YTHDC2: variants seen among roughly 807,000 people sequenced by gnomAD.
YTHDC2 encodes YTH N6-methyladenosine RNA binding protein C2.
A neutral mutation model predicts 174.9 loss-of-function variants in YTHDC2; 45 were observed. The observed-to-expected ratio is 0.26, with a 90% CI of 0.20 to 0.33. YTHDC2 has a LOEUF of 0.33. YTHDC2 is among the 10% of genes least tolerant of loss of function. The pLI is 1.00. For missense variants in YTHDC2, 1,650 were observed against 1,723.7 expected (o/e 0.96, Z 0.76); for synonymous variants, 657 against 574.5 (o/e 1.14, Z -2.05).
intron 26 of YTHDC2, among the ~76,000 whole-genome samples, chr5:113,590,820 T>C (rs1778966005): frequency 6.6e-6 from 1 of 152,256 alleles, no homozygotes; most frequent in African/African-American, 2.4e-5. Flanking sequence ...GGAGCCTTTG[T>C]TGATAAGGGA....
In YTHDC2 at chr5:113,540,967, G is replaced by C. The variant is rs1325550254; in HGVS notation, c.1211-1G>C. On this transcript the variant is annotated splice_acceptor_variant, in intron 8 of 29. Coordinates refer to ENST00000161863, the MANE Select transcript of YTHDC2 (RefSeq NM_022828.5). LOFTEE classifies it high-confidence loss of function. ...TATTCTTTCTTTGATAATTAATTTAGAAGAGAAACAACAAACCACACTTAC... is the reference window on the plus strand; with the variant it reads ...TATTCTTTCTTTGATAATTAATTTACAAGAGAAACAACAAACCACACTTAC... 1 of 1,608,950 alleles carries C rather than the reference G, an allele frequency of 6.2e-7. No individual in the cohort carries two copies. Among genetic ancestry groups the C allele is most frequent in the Non-Finnish European group, 8.5e-7 (1 of 1,178,252 alleles).
At chr5:113,587,841 C>A (rs779108168) in intron 26 of YTHDC2, among the ~76,000 whole-genome samples, 1 of 151,494 alleles carries the variant, frequency 6.6e-6, no homozygotes, top group Non-Finnish European at 1.5e-5. Flanking sequence ...ATCTATAGAT[C>A]AATTTAAAGA....
At chr5:113,525,452 T>C (rs1383798316) in intron 3 of YTHDC2, among the ~76,000 whole-genome samples, 1 of 151,986 alleles carries the variant, frequency 6.6e-6, no homozygotes, top group East Asian at 1.9e-4. Context: ...TACAAAACCC[T>C]TTATATGGGG....
chr5:113,543,918 GA>G (rs1775657477), intron 10 of YTHDC2, among the ~76,000 whole-genome samples: 1 of 152,008 alleles, frequency 6.6e-6, no homozygotes, highest in South Asian at 2.1e-4. Flanking sequence ...TCTCTTTTCT[GA>G]CCACCTTACT....
At chr5:113,522,141 GTTTT>G (rs397883128) in intron 2 of YTHDC2, among the ~76,000 whole-genome samples, 1 of 131,142 alleles carries the variant, frequency 7.6e-6, no homozygotes. Context: ...TTTGTTTTTT[GTTTT>G]TTTTTTTTTT....
chr5:113,561,957 G>GGGGTGTGTGTGTGTGTGTGTGTGTGTGT (rs1554099023), intron 18 of YTHDC2, among the ~76,000 whole-genome samples: 1 of 134,872 alleles, frequency 7.4e-6, no homozygotes, highest in Non-Finnish European at 1.6e-5. Context: ...ATTAATTGTG[G>GGGGTGTGTGTGTGTGTGTGTGTGTGTGT]GTGTGTGTGT....
intron 23 of YTHDC2, among the ~76,000 whole-genome samples, chr5:113,574,484 A>G (rs1211330116): frequency 6.6e-6 from 1 of 152,184 alleles, no homozygotes; most frequent in Non-Finnish European, 1.5e-5. Context: ...GCTTTTTGAT[A>G]CAGCAGGTGT....
In YTHDC2 at chr5:113,592,112, A is replaced by G. The variant is rs766117270; in HGVS notation, c.4146A>G (p.Gln1382=). ...EWIRKESLPF[Q]FAHHLLNPWN... is the part of the protein sequence containing the mutation. Reference sequence around the variant, plus strand: ...TACGAAAAGAAAGCCTTCCCTTTCAATTTGCACACCATTTACTCAATCCAT... The same window carrying G: ...TACGAAAAGAAAGCCTTCCCTTTCAGTTTGCACACCATTTACTCAATCCAT... The change falls in exon 28 of 30, where the codon CAA becomes CAG. Residue 1382 remains glutamine, a synonymous_variant. Coordinates refer to ENST00000161863, the MANE Select transcript of YTHDC2 (RefSeq NM_022828.5). 1.6e-5 allele frequency: 26 copies of G among 1,613,200 alleles called. No individual in the cohort carries two copies. Among genetic ancestry groups the G allele is most frequent in the South Asian group, 1.2e-4 (11 of 91,032 alleles).
At chr5:113,589,962 G>C (rs898684890) in intron 26 of YTHDC2, among the ~76,000 whole-genome samples, 2 of 152,036 alleles carry the variant, frequency 1.3e-5, no homozygotes, top group African/African-American at 4.8e-5. Flanking sequence ...TGTCTGTGGA[G>C]AAAATGCAAG....
intron 2 of YTHDC2, among the ~76,000 whole-genome samples, chr5:113,520,848 A>G (rs1011571846): frequency 2.6e-5 from 4 of 152,180 alleles, no homozygotes; most frequent in Admixed American, 1.3e-4. Context: ...TTTGTTGTAC[A>G]GATTATTTCA....
At position 113,592,057 on chromosome 5, in the gene YTHDC2, G is replaced by C. The variant is rs763155740; in HGVS notation, c.4091G>C (p.Gly1364Ala). The change falls in exon 28 of 30, where the codon GGA (glycine) becomes GCA (alanine). Residue 1364 changes from glycine to alanine, a missense_variant. Physicochemically the swap from Gly to Ala is moderately conservative, Grantham distance 60 (BLOSUM62 0). Coordinates refer to ENST00000161863, the MANE Select transcript of YTHDC2 (RefSeq NM_022828.5). The part of the protein sequence containing the change: ...REKSQDWGSA[G>A]LGGVFKVEWI... ...AAGAGTCAGGACTGGGGCTCTGCTG[G>C]ACTAGGAGGAGTATTTAAGGTGGAG... is the stretch of plus-strand genomic sequence containing the variant. 5.0e-6 allele frequency: 8 copies of C among 1,612,960 alleles called. No homozygotes were observed. The Admixed American group carries it at 5.0e-5, about 10-fold the overall frequency.
intron 5 of YTHDC2, among the ~76,000 whole-genome samples, chr5:113,533,270 C>T (rs184690069): frequency 6.6e-5 from 10 of 152,134 alleles, no homozygotes; most frequent in East Asian, 1.9e-4. Context: ...AGGCGGGACG[C>T]GGTGGCTCAT....
At chr5:113,566,577 C>G (rs1439295968) in intron 21 of YTHDC2, among the ~76,000 whole-genome samples, 1 of 150,502 alleles carries the variant, frequency 6.6e-6, no homozygotes, top group Non-Finnish European at 1.5e-5. Flanking sequence ...CATGGGTTAG[C>G]TGAAGTGCCA....
Position 113,592,007 on chromosome 5 carries a change from G to A in YTHDC2, c.4041G>A (p.Arg1347=). The A allele has an allele frequency of 6.2e-7, 1 of 1,605,006 alleles. No homozygotes were observed. Among genetic ancestry groups the A allele is most frequent in the Non-Finnish European group, 8.5e-7 (1 of 1,175,168 alleles). Residue 1347 remains arginine, a synonymous_variant, in exon 28 of 30, where the codon AGG becomes AGA. Coordinates refer to ENST00000161863, the MANE Select transcript of YTHDC2 (RefSeq NM_022828.5). ...QGSGHFQGFS[R]MSSEIGREKS... is the part of the protein sequence containing the mutation. ...CATTTTACCTACAGGGATTTTCTAG[G>A]ATGTCTTCTGAGATTGGAAGGGAAA... is the stretch of plus-strand genomic sequence containing the variant.
chr5:113,563,321 A>G lies in YTHDC2; in HGVS notation c.2323-52A>G, dbSNP rs188130342. On this transcript the variant is annotated intron_variant, in intron 18 of 29. Coordinates refer to ENST00000161863, the MANE Select transcript of YTHDC2 (RefSeq NM_022828.5). ...GTTCCCATGATTTCTTTAAATGTGT[A>G]GGTTAGTATTCTTTTTAATTTTAAA... The G allele has an allele frequency of 6.3e-3, 9,249 of 1,460,062 alleles. 37 individuals are homozygous for G. The highest frequency in any genetic ancestry group is 7.7e-3 in the Non-Finnish European group (8,265 of 1,080,296). The allele number at this position is 1,460,062 out of a possible 1,614,324, so 90.4% of individuals were successfully genotyped here.
chr5:113,593,486 C>T lies in YTHDC2; in HGVS notation c.*12C>T. On this transcript the variant is annotated 3_prime_UTR_variant, in exon 30 of 30. Transcript: ENST00000161863. ...TTTTTTTCCCCTTTCTTCTAGAACT[C>T]TTAGCTGTGGAAGAACATCATGCCT... 1 of 977,618 alleles carries T rather than the reference C, an allele frequency of 1.0e-6. No homozygotes were observed. The highest frequency in any genetic ancestry group is 1.7e-5 in the South Asian group (1 of 60,162). 60.6% of individuals were successfully genotyped at this position (977,618 alleles called of 1,614,324 possible).
chr5:113,548,505 G>T, intron 10 of YTHDC2, 36 bp from the exon 11 acceptor site: 1 of 1,561,810 alleles, frequency 6.4e-7, no homozygotes. Context: ...AAGTACTTTG[G>T]AAATTTAAGT....
Position 113,526,737 on chromosome 5 carries a change from T to A in YTHDC2, c.627T>A (p.Asn209Lys). ...AAATTGTTAAAATAATTAAGGAAAA[T>A]AAAGTAGTTTTGATTGTAGGAGAAA... ...QEEIVKIIKENKVVLIVGETG... is the reference protein window; with the variant it reads ...QEEIVKIIKEKKVVLIVGETG... Residue 209 changes from asparagine to lysine, a missense_variant, in exon 4 of 30, where the codon AAT (asparagine) becomes AAA (lysine). Around this residue, in one of 5 missense-constraint regions of YTHDC2, gnomAD observed 304 missense variants for 341.4 expected, o/e 0.89. Transcript: ENST00000161863. 1.9e-6 allele frequency: 3 copies of A among 1,560,328 alleles called. No individual in the cohort carries two copies. Among genetic ancestry groups the A allele is most frequent in the Non-Finnish European group, 2.6e-6 (3 of 1,152,660 alleles).
rs374883052 is a variant in YTHDC2 at position 113,586,096 on chromosome 5, A to C, written c.3825+1617A>C. Among the ~76,000 whole-genome samples the C allele has an allele frequency of 9.4e-4, 143 of 152,174 alleles. 4 individuals carry two copies. Among genetic ancestry groups the C allele is most frequent in the African/African-American group, 3.2e-3 (134 of 41,548 alleles). Reference sequence around the variant, plus strand: ...AAGAAACTGTCCAACTGTTTTCCAAAATGACAGCACTATTTTGCATTTCCT... The same window carrying C: ...AAGAAACTGTCCAACTGTTTTCCAACATGACAGCACTATTTTGCATTTCCT... On this transcript the variant is annotated intron_variant, in intron 26 of 29. Transcript: ENST00000161863.
Sources: gnomAD v4.1 joint callset for allele counts (sites outside exome capture counted in the v4.1 genomes callset) on GRCh38, gnomAD v4.1.1 for gene constraint, gnomAD v4.1.1 regional missense constraint, MANE v1.5 for transcripts, NCBI Gene and HGNC (gene_info 2026-07-23, HGNC 2026-07-21) for gene names.